The following ZNF341 variants were observed in gnomAD, a reference collection of about 807,000 sequenced individuals.
The protein encoded by ZNF341 is zinc finger protein 341.
In ZNF341, 52 loss-of-function variants were observed where a neutral mutation model predicts 87.7. The ratio of observed to expected loss-of-function variants is 0.59; its 90% CI spans 0.47 to 0.75. ZNF341 has a LOEUF of 0.75. Ranked by LOEUF, ZNF341 falls within the 30% of genes least tolerant of loss-of-function variation. The probability of loss-of-function intolerance (pLI) is 0.00; values close to 1 mark genes in which losing one functional copy is unlikely to be tolerated. For missense variants in ZNF341, 977 were observed against 1,145.9 expected (o/e 0.85, Z 2.13); for synonymous variants, 459 against 472.7 (o/e 0.97, Z 0.38).
At chr20:33,740,156 G>A (rs562130049) in intron 1 of ZNF341, among the ~76,000 whole-genome samples, 5 of 152,282 alleles carry the variant, frequency 3.3e-5, no homozygotes, top group African/African-American at 9.6e-5. Flanking sequence ...GAGCCACTGC[G>A]CCTGGCTCCA....
intron 2 of ZNF341, among the ~76,000 whole-genome samples, chr20:33,742,593 G>A (rs546213565): frequency 2.4e-4 from 37 of 151,940 alleles, no homozygotes; most frequent in Middle Eastern, 6.8e-3. Flanking sequence ...AGAGATTACA[G>A]GCGTGAACCA....
intron 1 of ZNF341, among the ~76,000 whole-genome samples, chr20:33,737,836 T>C (rs549111233): frequency 6.6e-6 from 1 of 151,972 alleles, no homozygotes; most frequent in South Asian, 2.1e-4. Context: ...TAATCTTAGG[T>C]TCTATAATAA....
rs141549554 is a variant in ZNF341 at position 33,744,473 on chromosome 20, T to G, written c.143-630T>G. The stretch of plus-strand genomic sequence containing the variant: ...GCTCATTTGGGGACTGATGAATAAA[T>G]TCAGACAGGATAAAGGTTCTGGAGT... On this transcript the variant is annotated intron_variant, in intron 2 of 14. Coordinates refer to ENST00000375200, the MANE Select transcript of ZNF341 (RefSeq NM_001282933.2). 4.0e-3 allele frequency among the ~76,000 whole-genome samples: 611 copies of G among 152,208 alleles called. 4 individuals carry two copies. The highest frequency in any genetic ancestry group is 6.4e-3 in the Non-Finnish European group (438 of 68,012).
At chr20:33,762,099 T>C (rs1426655189) in intron 8 of ZNF341, 44 bp downstream of exon 8, 3 of 1,482,046 alleles carry the variant, frequency 2.0e-6, no homozygotes, top group Non-Finnish European at 2.7e-6. Flanking sequence ...ACCTCTCTTC[T>C]GCCGCTTCAC....
chr20:33,777,747 G>C (rs769467963), intron 10 of ZNF341, among the ~76,000 whole-genome samples: 22 of 151,950 alleles, frequency 1.4e-4, no homozygotes, highest in Non-Finnish European at 2.5e-4. Flanking sequence ...ACATGCTTTA[G>C]AGAAAAAGAA....
chr20:33,752,584 T>C (rs1013998286), intron 4 of ZNF341: 10 of 346,544 alleles, frequency 2.9e-5, no homozygotes, highest in Admixed American at 8.3e-5. Flanking sequence ...CTTCTTAAGA[T>C]AGCAACATTA....
At chr20:33,739,701 A>G (rs183533140) in intron 1 of ZNF341, among the ~76,000 whole-genome samples, 3 of 152,244 alleles carry the variant, frequency 2.0e-5, no homozygotes, top group African/African-American at 7.2e-5. Flanking sequence ...TTCTGGAGGG[A>G]CTTTGTCACC....
In ZNF341 at chr20:33,752,949, T is replaced by C. The variant is rs114851976; in HGVS notation, c.490-223T>C. On this transcript the variant is annotated intron_variant, in intron 4 of 14. Coordinates refer to ENST00000375200, the MANE Select transcript of ZNF341 (RefSeq NM_001282933.2). ...AGGCGTGAGCCACTGCGCCCGGCCA[T>C]TTTTGCCTACTTTCATAGGGAAAAG... Among the ~76,000 whole-genome samples, 550 of 152,242 alleles carry C rather than the reference T, an allele frequency of 3.6e-3. 3 individuals are homozygous for C. Among genetic ancestry groups the C allele is most frequent in the African/African-American group, 0.013 (526 of 41,564 alleles).
chr20:33,761,212 G>A (rs2019283166), intron 7 of ZNF341, among the ~76,000 whole-genome samples: 1 of 152,054 alleles, frequency 6.6e-6, no homozygotes, highest in Non-Finnish European at 1.5e-5. Flanking sequence ...TGTGGTACAA[G>A]TGCTGTGCTG....
At chr20:33,741,263 A>G (rs116683170) in intron 2 of ZNF341, among the ~76,000 whole-genome samples, 3 of 152,282 alleles carry the variant, frequency 2.0e-5, no homozygotes, top group African/African-American at 7.2e-5. Context: ...GGGAATGGCT[A>G]AGGGCCCCAA....
chr20:33,779,838 A>G (rs2019706222), intron 10 of ZNF341, among the ~76,000 whole-genome samples: 1 of 152,140 alleles, frequency 6.6e-6, no homozygotes, highest in Non-Finnish European at 1.5e-5. Flanking sequence ...CAGGTCAGAA[A>G]TGGGAAGGCG....
At chr20:33,760,140 C>A (rs908849335) in intron 7 of ZNF341, among the ~76,000 whole-genome samples, 2 of 152,096 alleles carry the variant, frequency 1.3e-5, no homozygotes, top group Non-Finnish European at 2.9e-5. Context: ...TGGTGGCTCA[C>A]GCCTGTAATC....
chr20:33,751,875 C>T (rs1326358855), intron 4 of ZNF341, among the ~76,000 whole-genome samples: 2 of 152,126 alleles, frequency 1.3e-5, no homozygotes, highest in Admixed American at 6.6e-5. Flanking sequence ...AGCCCAAGGC[C>T]AGGGTTTCTG....
intron 2 of ZNF341, among the ~76,000 whole-genome samples, chr20:33,743,511 G>A (rs974637561): frequency 1.3e-5 from 2 of 151,770 alleles, no homozygotes; most frequent in Admixed American, 6.6e-5. Flanking sequence ...AGCTAATTTT[G>A]TATTTTTAGG....
At position 33,761,899 on chromosome 20, in the gene ZNF341, G is replaced by A; in HGVS notation, c.1066G>A (p.Gly356Ser). The change falls in exon 8 of 15, where the codon GGC becomes AGC. Residue 356 changes from glycine to serine, a missense_variant. Gly to Ser is a moderately conservative substitution (Grantham distance 56). Coordinates refer to ENST00000375200, the MANE Select transcript of ZNF341 (RefSeq NM_001282933.2). ...GEKPFQCIACGRAFAQKSNVK... is the reference protein window; with the variant it reads ...GEKPFQCIACSRAFAQKSNVK... ...GAAGCCCTTCCAGTGCATTGCATGT[G>A]GCCGTGCCTTTGCCCAGAAGTCTAA... 1 of 1,590,956 alleles carries A rather than the reference G, an allele frequency of 6.3e-7. No individual in the cohort carries two copies.
At position 33,732,060 on chromosome 20, in the gene ZNF341, G is replaced by GCGGCGGGGC; in HGVS notation, c.31+15_31+23dup. The GCGGCGGGGC allele has an allele frequency of 7.8e-7, 1 of 1,281,792 alleles. No individual in the cohort carries two copies. The highest frequency in any genetic ancestry group is 9.9e-7 in the Non-Finnish European group (1 of 1,008,812). 79.4% of individuals were successfully genotyped at this position (1,281,792 alleles called of 1,614,324 possible). A position where few individuals can be genotyped will look rare whatever the true frequency, so the allele number is the denominator to read the frequency against. ...TCTTTGAGGCCCTGGAGGGTGAGCG[G>GCGGCGGGGC]CGGCGGGGCCGGCGGAGGCGGCTGT... On this transcript the variant is annotated intron_variant, in intron 1 of 14. Coordinates refer to ENST00000375200, the MANE Select transcript of ZNF341 (RefSeq NM_001282933.2). The surrounding 1 kb of genome is among the most constrained non-coding windows in gnomAD (Gnocchi z 4.5).
intron 8 of ZNF341, among the ~76,000 whole-genome samples, chr20:33,764,543 G>GTGTATACATATATA (rs1332743148): frequency 1.4e-5 from 1 of 69,338 alleles, no homozygotes; most frequent in African/African-American, 6.8e-5. Context: ...GTGTGTATGT[G>GTGTATACATATATA]TATATATATA....
chr20:33,762,177 A>G, intron 8 of ZNF341, 122 bp downstream of exon 8: 3 of 808,054 alleles, frequency 3.7e-6, no homozygotes, highest in Non-Finnish European at 3.6e-6. Flanking sequence ...ATCTACCTTT[A>G]TCTATAAAAT....
chr20:33,781,723 G>A (rs911576182), intron 11 of ZNF341, among the ~76,000 whole-genome samples: 1 of 148,964 alleles, frequency 6.7e-6, no homozygotes, highest in African/African-American at 2.5e-5. Flanking sequence ...TTTTGAGACA[G>A]GGTCTTACTC....
Sources: allele counts gnomAD v4.1 joint callset (sites outside exome capture counted in the v4.1 genomes callset), GRCh38; gene constraint gnomAD v4.1.1; non-coding constraint Gnocchi (gnomAD v3.1); transcripts MANE v1.5; gene names NCBI Gene and HGNC (gene_info 2026-07-23, HGNC 2026-07-21).